The following VSTM2A variants were observed in gnomAD, a reference collection of about 807,000 sequenced individuals.
The protein encoded by VSTM2A is V-set and transmembrane domain containing 2A.
VSTM2A carries 13 observed loss-of-function variants against 27.3 expected under a neutral mutation model. The observed-to-expected ratio is 0.48, with a 90% confidence interval of 0.31 to 0.76. VSTM2A has a LOEUF of 0.76. Ranked by LOEUF, VSTM2A falls within the 30% of genes least tolerant of loss-of-function variation. The pLI, the probability that VSTM2A is intolerant of heterozygous loss-of-function variation, is 0.05. For missense variants in VSTM2A, 280 were observed against 310.0 expected (o/e 0.90, Z 0.73); for synonymous variants, 142 against 125.7 (o/e 1.13, Z -0.87).
chr7:54,552,122 G>A (rs1232275942), intron 4 of VSTM2A: 1 of 152,108 alleles, frequency 6.6e-6, no homozygotes, highest in Admixed American at 6.5e-5. Flanking sequence ...TGCCAGCCTT[G>A]CTGTCAGATT....
Position 54,542,615 on chromosome 7 carries a change from T to G in VSTM2A, c.-116T>G. ...AGCCCTCGCCAAGCAAGCAGCAGGA[T>G]GTTTGCAGTGTCGCGCCCAGGGCTC... On this transcript the variant is annotated 5_prime_UTR_variant, in exon 1 of 5. The change abolishes an upstream ATG in the 5' untranslated region. Coordinates refer to ENST00000402613, the MANE Select transcript of VSTM2A (RefSeq NM_001301009.2). 3 of 839,456 alleles carry G rather than the reference T, an allele frequency of 3.6e-6. No homozygotes were observed. Among genetic ancestry groups the G allele is most frequent in the Non-Finnish European group, 5.9e-6 (3 of 509,570 alleles). The allele number at this position is 839,456 out of a possible 1,614,324, so 52.0% of individuals were successfully genotyped here.
At chr7:54,568,882 A>G in intron 4 of VSTM2A, 1 of 979,070 alleles carries the variant, frequency 1.0e-6, no homozygotes, top group East Asian at 2.6e-5. Context: ...GCATGCCAAG[A>G]CATTCATGAG....
intron 4 of VSTM2A, among the ~76,000 whole-genome samples, chr7:54,568,437 T>C (rs753197864): frequency 6.6e-6 from 1 of 152,166 alleles, no homozygotes; most frequent in Non-Finnish European, 1.5e-5. Flanking sequence ...AAGAAAAGAA[T>C]GCAACACTAC....
At chr7:54,567,684 G>A in intron 4 of VSTM2A, among the ~76,000 whole-genome samples, 1 of 152,058 alleles carries the variant, frequency 6.6e-6, no homozygotes, top group Non-Finnish European at 1.5e-5. Context: ...TTTAAAACTT[G>A]TATTCAATAC....
chr7:54,552,701 A>G (rs1329826471), intron 4 of VSTM2A, among the ~76,000 whole-genome samples: 1 of 152,200 alleles, frequency 6.6e-6, no homozygotes, highest in African/African-American at 2.4e-5. Flanking sequence ...ATCCATCTTT[A>G]TTTCATTATT....
chr7:54,554,072 A>G (rs1447061657), intron 4 of VSTM2A: 1 of 1,551,784 alleles, frequency 6.4e-7, no homozygotes. Context: ...TGGCTCCTCC[A>G]GGTAAATTGC....
At chr7:54,563,640 G>A (rs1353209003) in intron 4 of VSTM2A, among the ~76,000 whole-genome samples, 1 of 152,144 alleles carries the variant, frequency 6.6e-6, no homozygotes, top group Non-Finnish European at 1.5e-5. Flanking sequence ...CTGGTGAATG[G>A]AGTGGCACCC....
chr7:54,544,590 A>G (rs1004475948), intron 1 of VSTM2A, 32 bp from the exon 2 acceptor site: 2 of 1,612,660 alleles, frequency 1.2e-6, no homozygotes, highest in Admixed American at 1.7e-5. Context: ...AGGGGTGTGG[A>G]TATTCCAACA....
At chr7:54,546,761 G>GCCAGGGACAGCGTGGGA in intron 2 of VSTM2A, 186 bp from the exon 3 acceptor site, 5 of 591,362 alleles carry the variant, frequency 8.5e-6, no homozygotes, top group South Asian at 2.2e-5. Context: ...ACAGCGTGGG[G>GCCAGGGACAGCGTGGGA]TATGCCAGGG....
intron 4 of VSTM2A, among the ~76,000 whole-genome samples, chr7:54,554,634 A>G (rs1296447548): frequency 6.6e-6 from 1 of 152,166 alleles, no homozygotes; most frequent in Non-Finnish European, 1.5e-5. Flanking sequence ...TTCTAGACCT[A>G]TCCTTTACAG....
chr7:54,547,093 G>C (rs1466569293), intron 3 of VSTM2A, 96 bp downstream of exon 3: 2 of 1,407,998 alleles, frequency 1.4e-6, no homozygotes, highest in Non-Finnish European at 1.9e-6. Context: ...CTGCAGGACA[G>C]CCGGACAGCC....
rs1299673030 is a variant in VSTM2A at position 54,570,184 on chromosome 7, A to G, written c.*965A>G. On this transcript the variant is annotated 3_prime_UTR_variant, in exon 5 of 5. Coordinates refer to ENST00000402613, the MANE Select transcript of VSTM2A (RefSeq NM_001301009.2). ...TGGAATTTACTATGTTCCTTTATAC[A>G]TGGTGTTTATTGAGGTTTGAGAGTC... 2 of 152,128 alleles carry G rather than the reference A, an allele frequency of 1.3e-5. No homozygotes were observed. The highest frequency in any genetic ancestry group is 4.8e-5 in the African/African-American group (2 of 41,432). 9.4% of individuals were successfully genotyped at this position (152,128 alleles called of 1,614,324 possible).
chr7:54,544,813 T>A, intron 2 of VSTM2A, 25 bp downstream of exon 2: 1 of 1,575,662 alleles, frequency 6.3e-7, no homozygotes, highest in South Asian at 1.1e-5. Context: ...CGACCCCGCG[T>A]CTCCCCTTCG....
In VSTM2A at chr7:54,569,148, G is replaced by C. The variant is rs752386677; in HGVS notation, c.652G>C (p.Val218Leu). ...SPQSAKSKSP[V>L]KSTERTAKLT... ...TCTTAAAGCAAAGAGCAAATCGCCTGTAAAATCTACGGAGCGGACAGCAAA... is the reference window on the plus strand; with the variant it reads ...TCTTAAAGCAAAGAGCAAATCGCCTCTAAAATCTACGGAGCGGACAGCAAA... The change falls in exon 5 of 5, where the codon GTA (valine) becomes CTA (leucine). Residue 218 changes from valine to leucine, a missense_variant. Coordinates refer to ENST00000402613, the MANE Select transcript of VSTM2A (RefSeq NM_001301009.2). 8 of 1,557,446 alleles carry C rather than the reference G, an allele frequency of 5.1e-6. No homozygotes were observed.
rs1788860009 is a variant in VSTM2A, at chr7:54,570,488, C to T, written c.*1269C>T. The T allele has an allele frequency of 1.3e-5, 2 of 152,004 alleles. No homozygotes were observed. The highest frequency in any genetic ancestry group is 4.8e-5 in the African/African-American group (2 of 41,382). 9.4% of individuals were successfully genotyped at this position (152,004 alleles called of 1,614,324 possible). A position where few individuals can be genotyped will look rare whatever the true frequency, so the allele number is the denominator to read the frequency against. On this transcript the variant is annotated 3_prime_UTR_variant, in exon 5 of 5. Transcript: ENST00000402613. ...TTGCGCTAATTATATTTTAATGTCT[C>T]CTAATTAAAAATTAAAATTTGGTTG...
chr7:54,568,986 A>G (rs780975949), intron 4 of VSTM2A, 145 bp from the exon 5 acceptor site: 9 of 1,578,310 alleles, frequency 5.7e-6, no homozygotes, highest in African/African-American at 1.3e-5. Flanking sequence ...AGATGAGCGA[A>G]TATCTTATAA....
intron 4 of VSTM2A, chr7:54,558,996 T>C (rs1198322964): frequency 6.6e-6 from 1 of 152,102 alleles, no homozygotes; most frequent in Non-Finnish European, 1.5e-5. Flanking sequence ...TATTTGTGTC[T>C]AATACTTAGG....
chr7:54,569,199 C>T lies in VSTM2A; in HGVS notation c.703C>T (p.Pro235Ser), dbSNP rs1393497085. 1 of 1,551,540 alleles carries T rather than the reference C, an allele frequency of 6.4e-7. No homozygotes were observed. Among genetic ancestry groups the T allele is most frequent in the Non-Finnish European group, 8.7e-7 (1 of 1,146,966 alleles). The change falls in exon 5 of 5, where the codon CCT becomes TCT. Residue 235 changes from proline (P) to serine (S), a missense_variant. Transcript: ENST00000402613. ...AKLTLNSKHH[P>S]APTVL ...GTTGACCCTAAACTCCAAGCACCAC[C>T]CTGCACCCACTGTACTCTAATTCAC... is the stretch of plus-strand genomic sequence containing the variant.
chr7:54,546,556 C>CCCG (rs1490126566), intron 2 of VSTM2A: 1 of 148,240 alleles, frequency 6.7e-6, no homozygotes, highest in African/African-American at 3.1e-5. Context: ...CCCCTGGCGC[C>CCCG]CCCCCGCCTG....
Sources: allele counts gnomAD v4.1 joint callset (sites outside exome capture counted in the v4.1 genomes callset), GRCh38; gene constraint gnomAD v4.1.1; transcripts MANE v1.5; gene names NCBI Gene and HGNC (gene_info 2026-07-23, HGNC 2026-07-21).